The following MALRD1 variants were observed in gnomAD, a reference collection of about 807,000 sequenced individuals.
MALRD1 encodes MAM and LDL receptor class A domain containing 1.
MALRD1 carries 247 observed loss-of-function variants against 242.1 expected under a neutral mutation model. The observed-to-expected ratio is 1.02, with a 90% CI of 0.92 to 1.13. The LOEUF (loss-of-function observed/expected upper bound fraction) is 1.13, where lower values mean the gene tolerates loss of function less well. Ranked by LOEUF, MALRD1 falls within the 50% of genes most tolerant of loss-of-function variation. The pLI, the probability that MALRD1 is intolerant of heterozygous loss-of-function variation, is 0.00. For missense variants in MALRD1, 2,989 were observed against 2,533.1 expected (o/e 1.18, Z -3.86); for synonymous variants, 995 against 866.6 (o/e 1.15, Z -2.60).
In MALRD1 at chr10:19,078,409, G is replaced by A. The variant is rs189047731; in HGVS notation, c.341-9431G>A. Among the ~76,000 whole-genome samples, 6 of 151,738 alleles carry A rather than the reference G, an allele frequency of 4.0e-5. No individual in the cohort carries two copies. The East Asian group carries it at 7.8e-4, about 20-fold the overall frequency. On this transcript the variant is annotated intron_variant, in intron 2 of 39. Coordinates refer to ENST00000454679, the MANE Select transcript of MALRD1 (RefSeq NM_001142308.3). ...ATTTTGCATTCCTAGGATAAATTCC[G>A]CTTGACCATGGCGAAAAATTTTTAA...
chr10:19,240,540 A>G (rs1296109891), intron 18 of MALRD1, among the ~76,000 whole-genome samples: 1 of 151,876 alleles, frequency 6.6e-6, no homozygotes, highest in African/African-American at 2.4e-5. Flanking sequence ...CCTTCTTTCC[A>G]GTTTGGATCC....
intron 21 of MALRD1, among the ~76,000 whole-genome samples, chr10:19,285,543 G>A (rs967498766): frequency 6.6e-5 from 10 of 151,890 alleles, no homozygotes; most frequent in Non-Finnish European, 8.8e-5. Flanking sequence ...TCTCAGGTTC[G>A]TCAAAGATCA....
intron 32 of MALRD1, among the ~76,000 whole-genome samples, chr10:19,565,437 A>G (rs891163416): frequency 6.6e-6 from 1 of 152,236 alleles, no homozygotes; most frequent in South Asian, 2.1e-4. Flanking sequence ...TAATTTTGCC[A>G]GGAAGAAATT....
Position 19,255,031 on chromosome 10 carries a change from T to C in MALRD1, c.2992-2653T>C, listed in dbSNP as rs769315840. On this transcript the variant is annotated intron_variant, in intron 18 of 39. Transcript: ENST00000454679. ...AGGAAAGTTGCTAGAGCCCCATTAATGTTTAAGCCTCAAAGTTCCAACGTG... is the reference window on the plus strand; with the variant it reads ...AGGAAAGTTGCTAGAGCCCCATTAACGTTTAAGCCTCAAAGTTCCAACGTG... Among the ~76,000 whole-genome samples the C allele has an allele frequency of 2.0e-5, 3 of 152,010 alleles. No individual in the cohort carries two copies. The East Asian group carries it at 5.8e-4, about 29-fold the overall frequency.
intron 20 of MALRD1, among the ~76,000 whole-genome samples, chr10:19,281,748 G>A (rs1288643440): frequency 6.6e-6 from 1 of 152,106 alleles, no homozygotes. Flanking sequence ...AAGGTGAGCA[G>A]ATCAGTTGAG....
chr10:19,514,454 A>G (rs1159226310), intron 31 of MALRD1, among the ~76,000 whole-genome samples: 3 of 152,136 alleles, frequency 2.0e-5, no homozygotes, highest in East Asian at 1.9e-4. Context: ...AGATATTTCT[A>G]TGGCCTGTAG....
intron 22 of MALRD1, among the ~76,000 whole-genome samples, chr10:19,327,062 T>G (rs539765178): frequency 6.6e-6 from 1 of 152,108 alleles, no homozygotes; most frequent in Non-Finnish European, 1.5e-5. Context: ...AAGCTCTTAC[T>G]GGCGCAGCAT....
chr10:19,293,911 CA>C (rs939335118), intron 21 of MALRD1, among the ~76,000 whole-genome samples: 3 of 151,790 alleles, frequency 2.0e-5, no homozygotes, highest in Non-Finnish European at 4.4e-5. Flanking sequence ...TAAATGTTTA[CA>C]AAAAAACGAA....
At chr10:19,271,724 C>G (rs1450666286) in intron 19 of MALRD1, among the ~76,000 whole-genome samples, 1 of 152,172 alleles carries the variant, frequency 6.6e-6, no homozygotes, top group South Asian at 2.1e-4. Flanking sequence ...GATCTCACCA[C>G]TGCACTCCAT....
At chr10:19,162,715 GA>G (rs1212608856) in intron 12 of MALRD1, among the ~76,000 whole-genome samples, 10 of 152,240 alleles carry the variant, frequency 6.6e-5, no homozygotes, top group Non-Finnish European at 1.3e-4. Flanking sequence ...CTGTTGATAG[GA>G]GTGTAGATTA....
intron 26 of MALRD1, among the ~76,000 whole-genome samples, chr10:19,361,061 G>A (rs1275727921): frequency 6.6e-6 from 1 of 151,974 alleles, no homozygotes; most frequent in Admixed American, 6.6e-5. Context: ...TCTGCTATTT[G>A]CTCCTCAACA....
At chr10:19,653,743 C>G (rs918065271) in intron 36 of MALRD1, among the ~76,000 whole-genome samples, 4 of 151,956 alleles carry the variant, frequency 2.6e-5, no homozygotes, top group African/African-American at 9.7e-5. Flanking sequence ...AGGCAACATC[C>G]AAATAGTCTA....
intron 31 of MALRD1, among the ~76,000 whole-genome samples, chr10:19,522,951 T>TA (rs1282741594): frequency 2.0e-5 from 3 of 152,222 alleles, no homozygotes; most frequent in African/African-American, 7.2e-5. Flanking sequence ...CTATAGTAGT[T>TA]ATTCAATCAA....
At chr10:19,586,243 A>G (rs959162577) in intron 33 of MALRD1, among the ~76,000 whole-genome samples, 1 of 152,166 alleles carries the variant, frequency 6.6e-6, no homozygotes, top group Non-Finnish European at 1.5e-5. Flanking sequence ...GTCATTCTCC[A>G]TCCAGCTTTG....
chr10:19,076,345 A>G (rs1237050839), intron 2 of MALRD1, among the ~76,000 whole-genome samples: 1 of 151,848 alleles, frequency 6.6e-6, no homozygotes, highest in Non-Finnish European at 1.5e-5. Flanking sequence ...TTACTTCTTC[A>G]TATGGATGCT....
chr10:19,110,564 A>T (rs957577253), intron 5 of MALRD1, among the ~76,000 whole-genome samples: 4 of 152,192 alleles, frequency 2.6e-5, no homozygotes, highest in Non-Finnish European at 4.4e-5. Flanking sequence ...TGGACTTATC[A>T]AAAGGGATGC....
intron 18 of MALRD1, among the ~76,000 whole-genome samples, chr10:19,239,552 C>G (rs556768325): frequency 6.6e-6 from 1 of 152,090 alleles, no homozygotes; most frequent in Non-Finnish European, 1.5e-5. Context: ...TTTGACGTCT[C>G]ATTTAAAAAA....
At chr10:19,477,760 G>A (rs1836806827) in intron 29 of MALRD1, among the ~76,000 whole-genome samples, 1 of 152,064 alleles carries the variant, frequency 6.6e-6, no homozygotes, top group Non-Finnish European at 1.5e-5. Flanking sequence ...ATTTACACAG[G>A]GCCCAAGAGA....
chr10:19,223,334 G>A lies in MALRD1; in HGVS notation c.2991+13654G>A, dbSNP rs149961348. Among the ~76,000 whole-genome samples the A allele has an allele frequency of 4.5e-3, 687 of 152,106 alleles. 8 individuals are homozygous for A. The highest frequency in any genetic ancestry group is 0.019 in the Admixed American group (296 of 15,270). ...CTTTTCAGAAATTATTTTCAAAACA[G>A]CATTGTTGCCTTTTTCCAAACTGAA... On this transcript the variant is annotated intron_variant, in intron 18 of 39. Coordinates refer to ENST00000454679, the MANE Select transcript of MALRD1 (RefSeq NM_001142308.3).
Sources: gnomAD v4.1 joint callset for allele counts (sites outside exome capture counted in the v4.1 genomes callset) on GRCh38, gnomAD v4.1.1 for gene constraint, MANE v1.5 for transcripts, NCBI Gene and HGNC (gene_info 2026-07-23, HGNC 2026-07-21) for gene names.